IMMP2L: variants seen among roughly 807,000 people sequenced by gnomAD.
IMMP2L encodes the protein mitochondrial inner membrane protease subunit 2.
In IMMP2L, 18 loss-of-function variants were observed where a neutral mutation model predicts 19.3. The observed-to-expected ratio is 0.93, with a 90% CI of 0.64 to 1.38. IMMP2L has a LOEUF of 1.38. Ranked by LOEUF, IMMP2L falls within the 40% of genes most tolerant of loss-of-function variation. The probability of loss-of-function intolerance (pLI) is 0.00; values close to 1 mark genes in which losing one functional copy is unlikely to be tolerated. For missense variants in IMMP2L, 233 were observed against 218.2 expected (o/e 1.07, Z -0.43); for synonymous variants, 76 against 73.0 (o/e 1.04, Z -0.21).
intron 3 of IMMP2L, among the ~76,000 whole-genome samples, chr7:110,982,262 A>C (rs770853785): frequency 1.3e-5 from 2 of 152,190 alleles, no homozygotes; most frequent in Non-Finnish European, 2.9e-5. Flanking sequence ...TCATTCAGCC[A>C]AAGATATAAA....
At chr7:111,449,274 C>A (rs1649672257) in intron 3 of IMMP2L, among the ~76,000 whole-genome samples, 1 of 138,916 alleles carries the variant, frequency 7.2e-6, no homozygotes, top group Non-Finnish European at 1.5e-5. Flanking sequence ...AATTTTAGAC[C>A]AATATCCTTG....
At chr7:111,539,179 G>A (rs1472209871) in intron 1 of IMMP2L, among the ~76,000 whole-genome samples, 1 of 67,310 alleles carries the variant, frequency 1.5e-5, no homozygotes, top group African/African-American at 7.4e-5. Context: ...AAGGAAGGAA[G>A]GAAGGAAGGA....
chr7:111,496,242 C>A lies in IMMP2L; in HGVS notation c.136-8901G>T, dbSNP rs143719665. Among the ~76,000 whole-genome samples the A allele has an allele frequency of 3.5e-3, 526 of 152,182 alleles. 7 individuals are homozygous for A. Among genetic ancestry groups the A allele is most frequent in the African/African-American group, 0.012 (508 of 41,512 alleles). On this transcript the variant is annotated intron_variant, in intron 2 of 5. Coordinates refer to ENST00000405709, the MANE Select transcript of IMMP2L (RefSeq NM_032549.4). ...CATAATTTGCATGGCTTCTAGAATT[C>A]TCAGATTTGTCTCACTAGGTGTGCA...
At chr7:110,692,592 T>C (rs1479245083) in intron 5 of IMMP2L, among the ~76,000 whole-genome samples, 1 of 152,164 alleles carries the variant, frequency 6.6e-6, no homozygotes, top group African/African-American at 2.4e-5. Context: ...TTGCATTTGA[T>C]TTCACTGAAA....
At chr7:111,008,707 T>G (rs1824580348) in intron 3 of IMMP2L, among the ~76,000 whole-genome samples, 1 of 152,072 alleles carries the variant, frequency 6.6e-6, no homozygotes, top group African/African-American at 2.4e-5. Flanking sequence ...GATTCACTGC[T>G]GTATCCTCAG....
intron 4 of IMMP2L, among the ~76,000 whole-genome samples, chr7:110,896,862 A>G (rs1811383397): frequency 6.6e-6 from 1 of 151,970 alleles, no homozygotes; most frequent in South Asian, 2.1e-4. Context: ...GCTAGAGTGC[A>G]GTGGCATGAC....
chr7:110,901,513 T>G (rs1811859649), intron 4 of IMMP2L, among the ~76,000 whole-genome samples: 1 of 152,156 alleles, frequency 6.6e-6, no homozygotes, highest in Non-Finnish European at 1.5e-5. Flanking sequence ...GAGGTTAGTT[T>G]GTCAACAGTG....
chr7:110,777,806 T>G (rs1799495307), intron 5 of IMMP2L, among the ~76,000 whole-genome samples: 1 of 151,984 alleles, frequency 6.6e-6, no homozygotes, highest in African/African-American at 2.4e-5. Flanking sequence ...AAAGATATAG[T>G]TTGGTGGTTA....
At chr7:111,275,706 T>A (rs971985645) in intron 3 of IMMP2L, among the ~76,000 whole-genome samples, 7 of 152,190 alleles carry the variant, frequency 4.6e-5, no homozygotes, top group Admixed American at 3.9e-4. Flanking sequence ...TTTGTTTGTG[T>A]TATCTATGAT....
intron 3 of IMMP2L, among the ~76,000 whole-genome samples, chr7:111,233,335 T>G (rs1004884799): frequency 6.6e-6 from 1 of 152,112 alleles, no homozygotes; most frequent in Non-Finnish European, 1.5e-5. Flanking sequence ...AATGTCACAT[T>G]TCACTCCCTG....
chr7:111,218,491 A>C (rs2129620115), intron 3 of IMMP2L, among the ~76,000 whole-genome samples: 1 of 152,108 alleles, frequency 6.6e-6, no homozygotes, highest in South Asian at 2.1e-4. Flanking sequence ...TTAAAGAGAA[A>C]TGCACCAATA....
intron 3 of IMMP2L, among the ~76,000 whole-genome samples, chr7:110,972,492 T>TGG (rs1820246552): frequency 8.5e-5 from 13 of 152,086 alleles, no homozygotes; most frequent in Admixed American, 7.9e-4. Flanking sequence ...CATGGAGCTA[T>TGG]AGAGAGGGGG....
At chr7:111,243,680 C>T (rs1205903207) in intron 3 of IMMP2L, among the ~76,000 whole-genome samples, 2 of 102,918 alleles carry the variant, frequency 1.9e-5, no homozygotes, top group East Asian at 6.0e-4. Context: ...CCCGACCCCA[C>T]CACAGTCCCC....
At chr7:111,551,216 T>C (rs1849422984) in intron 1 of IMMP2L, among the ~76,000 whole-genome samples, 2 of 152,302 alleles carry the variant, frequency 1.3e-5, no homozygotes, top group Middle Eastern at 3.4e-3. Context: ...AAAGGAAAGA[T>C]ATATAAAAGT....
chr7:110,809,462 T>G (rs1370457840), intron 5 of IMMP2L, among the ~76,000 whole-genome samples: 1 of 151,936 alleles, frequency 6.6e-6, no homozygotes, highest in Admixed American at 6.6e-5. Flanking sequence ...TATGGATAAC[T>G]TGCTTTAACT....
At chr7:110,901,907 A>C (rs933216699) in intron 4 of IMMP2L, among the ~76,000 whole-genome samples, 1 of 152,146 alleles carries the variant, frequency 6.6e-6, no homozygotes, top group African/African-American at 2.4e-5. Flanking sequence ...GCAGAATTAG[A>C]TACATGGCAG....
intron 2 of IMMP2L, among the ~76,000 whole-genome samples, chr7:111,498,936 G>C (rs1843864164): frequency 6.6e-6 from 1 of 152,022 alleles, no homozygotes; most frequent in Non-Finnish European, 1.5e-5. Context: ...GAACTGAAAA[G>C]CATTCTGGCA....
chr7:111,108,922 T>C (rs935230865), intron 3 of IMMP2L, among the ~76,000 whole-genome samples: 5 of 152,180 alleles, frequency 3.3e-5, no homozygotes, highest in African/African-American at 1.2e-4. Flanking sequence ...TAGCAGGCAA[T>C]ATTCTAGCTA....
At position 110,803,668 on chromosome 7, in the gene IMMP2L, C is replaced by T. The variant is rs1370011011; in HGVS notation, c.408+82925G>A. On this transcript the variant is annotated intron_variant, in intron 5 of 5. Transcript: ENST00000405709. The surrounding 1 kb of genome is among the most constrained non-coding windows in gnomAD (Gnocchi z 4.2). ...CTCCAGAAATGGGAGTGACCTTGGA[C>T]CAGGCAGCTCCCTGTAGCCAAGGGC... Among the ~76,000 whole-genome samples, 1 of 152,008 alleles carries T rather than the reference C, an allele frequency of 6.6e-6. No individual in the cohort carries two copies.
Sources: gnomAD v4.1 joint callset for allele counts (sites outside exome capture counted in the v4.1 genomes callset) on GRCh38, gnomAD v4.1.1 for gene constraint, Gnocchi (gnomAD v3.1) non-coding constraint, MANE v1.5 for transcripts, NCBI Gene and HGNC (gene_info 2026-07-23, HGNC 2026-07-21) for gene names.